Variants in FRMD4B observed in about 807,000 individuals in gnomAD.
FRMD4B encodes FERM domain-containing protein 4B.
In FRMD4B, 74 loss-of-function variants were observed where a neutral mutation model predicts 141.5. The observed-to-expected ratio is 0.52, with a 90% CI of 0.43 to 0.63. FRMD4B has a LOEUF of 0.63. FRMD4B is among the 30% of genes least tolerant of loss of function. FRMD4B has a pLI of 0.00. For missense variants in FRMD4B, 1,366 were observed against 1,253.4 expected, an observed-to-expected ratio of 1.09 and a Z score of -1.36; for synonymous variants, 506 against 467.9, an observed-to-expected ratio of 1.08 and a Z score of -1.05.
Position 69,181,142 on chromosome 3 carries a change from A to G in FRMD4B, c.2608T>C (p.Tyr870His). The G allele has an allele frequency of 1.9e-6, 3 of 1,613,922 alleles. No homozygotes were observed. The highest frequency in any genetic ancestry group is 2.5e-6 in the Non-Finnish European group (3 of 1,179,868). The change falls in exon 21 of 23, where the codon TAT becomes CAT. Residue 870 changes from tyrosine (Y) to histidine (H), a missense_variant. Physicochemically the swap from Tyr to His is moderately conservative, Grantham distance 83. Transcript: ENST00000398540. ...DEVDRVPHNP[Y>H]ATLRLPRKAA... Reference sequence around the variant, plus strand: ...TTCCTTGGCAGCCGGAGAGTTGCATATGGGTTATGGGGTACCCGGTCGACC... The same window carrying G: ...TTCCTTGGCAGCCGGAGAGTTGCATGTGGGTTATGGGGTACCCGGTCGACC...
rs375411186 is a variant in FRMD4B, at chr3:69,457,700, GCA to G, written c.-128-24941_-128-24940del. Among the ~76,000 whole-genome samples the G allele has an allele frequency of 4.4e-3, 676 of 152,286 alleles. 7 individuals carry two copies. The highest frequency in any genetic ancestry group is 0.015 in the African/African-American group (626 of 41,556). On this transcript the variant is annotated intron_variant, in intron 1 of 5. Coordinates refer to the FRMD4B transcript ENST00000459638. ...TAAAGTCCACTGAATTGTTTCTGAA[GCA>G]CAGTTTACCGTTCTATCTAGATTAG...
chr3:69,522,442 C>G (rs542066291), intron 1 of FRMD4B, among the ~76,000 whole-genome samples: 1 of 152,246 alleles, frequency 6.6e-6, no homozygotes. Context: ...TTTAACACTT[C>G]TATCCACATC....
At chr3:69,256,030 G>C (rs1487102465) in intron 5 of FRMD4B, among the ~76,000 whole-genome samples, 1 of 151,848 alleles carries the variant, frequency 6.6e-6, no homozygotes, top group Non-Finnish European at 1.5e-5. Context: ...CAAGGAGTCC[G>C]AGGCTGCTGT....
At chr3:69,492,031 T>C (rs1228758254) in intron 1 of FRMD4B, among the ~76,000 whole-genome samples, 1 of 152,192 alleles carries the variant, frequency 6.6e-6, no homozygotes. Context: ...GCAAGTTTAG[T>C]ATCAGCTTAT....
In FRMD4B at chr3:69,307,624, C is replaced by A. The variant is rs59172449; in HGVS notation, c.323+3639G>T. On this transcript the variant is annotated intron_variant, in intron 3 of 22. Coordinates refer to ENST00000398540, the MANE Select transcript of FRMD4B (RefSeq NM_015123.3). Reference sequence around the variant, plus strand: ...AAAGTGTTGAGATTACAGGCGTGAGCCACCACACCCGGCCTACTATTTCTT... The same window carrying A: ...AAAGTGTTGAGATTACAGGCGTGAGACACCACACCCGGCCTACTATTTCTT... Among the ~76,000 whole-genome samples the A allele has an allele frequency of 2.7e-3, 408 of 152,308 alleles. 2 individuals are homozygous for A. Among genetic ancestry groups the A allele is most frequent in the African/African-American group, 9.3e-3 (387 of 41,570 alleles).
intron 3 of FRMD4B, among the ~76,000 whole-genome samples, chr3:69,308,043 C>T (rs906212700): frequency 6.6e-6 from 1 of 152,190 alleles, no homozygotes; most frequent in Non-Finnish European, 1.5e-5. Context: ...TTAAAGTCTA[C>T]CTTACCTGCA....
At chr3:69,232,761 A>T (rs1383153932) in intron 7 of FRMD4B, among the ~76,000 whole-genome samples, 2 of 152,086 alleles carry the variant, frequency 1.3e-5, no homozygotes, top group African/African-American at 4.8e-5. Context: ...AAGGGAGTGC[A>T]GGCAGTTAGC....
At chr3:69,329,194 A>C (rs1702279729) in intron 1 of FRMD4B, among the ~76,000 whole-genome samples, 1 of 152,214 alleles carries the variant, frequency 6.6e-6, no homozygotes, top group Non-Finnish European at 1.5e-5. Context: ...TCAGGTTTAC[A>C]GAGAATTCTG....
intron 2 of FRMD4B, among the ~76,000 whole-genome samples, chr3:69,421,708 C>A (rs1489316706): frequency 6.6e-6 from 1 of 152,156 alleles, no homozygotes; most frequent in Non-Finnish European, 1.5e-5. Flanking sequence ...CAACAGCCAC[C>A]TTTCAACTGC....
At chr3:69,312,872 G>A (rs538199713) in intron 2 of FRMD4B, among the ~76,000 whole-genome samples, 15 of 139,212 alleles carry the variant, frequency 1.1e-4, no homozygotes, top group African/African-American at 4.2e-4. Context: ...CTGGGCAACA[G>A]AGCAAGACTC....
At chr3:69,290,290 G>A (rs900806367) in intron 4 of FRMD4B, among the ~76,000 whole-genome samples, 4 of 152,152 alleles carry the variant, frequency 2.6e-5, no homozygotes, top group African/African-American at 7.2e-5. Context: ...AGGGGCGGGT[G>A]AGGAGGGATT....
intron 1 of FRMD4B, among the ~76,000 whole-genome samples, chr3:69,339,608 T>G (rs1702668393): frequency 6.6e-6 from 1 of 151,356 alleles, no homozygotes; most frequent in South Asian, 2.1e-4. Context: ...AATAAATGTA[T>G]CCCAGAACTT....
chr3:69,506,174 CTTAATGTTA>C (rs1197529647), intron 1 of FRMD4B, among the ~76,000 whole-genome samples: 1 of 152,158 alleles, frequency 6.6e-6, no homozygotes, highest in Non-Finnish European at 1.5e-5. Flanking sequence ...CCCCAAGGCC[CTTAATGTTA>C]TTATCCGTGG....
intron 1 of FRMD4B, among the ~76,000 whole-genome samples, chr3:69,369,396 G>C (rs1417468587): frequency 6.6e-6 from 1 of 152,078 alleles, no homozygotes. Context: ...AATTAAATTT[G>C]ATTTACTTAA....
intron 19 of FRMD4B, among the ~76,000 whole-genome samples, chr3:69,187,109 A>G (rs1490359363): frequency 1.3e-5 from 2 of 152,170 alleles, no homozygotes; most frequent in African/African-American, 4.8e-5. Context: ...TTTAACGACA[A>G]TTTCCTTAGA....
chr3:69,506,323 A>G (rs1394846516), intron 1 of FRMD4B, among the ~76,000 whole-genome samples: 1 of 152,058 alleles, frequency 6.6e-6, no homozygotes, highest in Non-Finnish European at 1.5e-5. Context: ...GGCATTTTAC[A>G]CAGGATATCC....
At chr3:69,494,908 G>A (rs185407283) in intron 1 of FRMD4B, among the ~76,000 whole-genome samples, 2,198 of 149,686 alleles carry the variant, frequency 0.015, 34 homozygotes, top group Non-Finnish European at 0.017. Flanking sequence ...AGAAAGGAAA[G>A]GAAAGGAAAG....
intron 11 of FRMD4B, among the ~76,000 whole-genome samples, chr3:69,204,902 G>T (rs6785253): frequency 0.087 from 13,257 of 152,104 alleles, 586 homozygotes; most frequent in Middle Eastern, 0.11. Context: ...GCTCAGAGAG[G>T]TTAAAGTAAA....
chr3:69,380,036 G>A (rs747625376), intron 1 of FRMD4B, among the ~76,000 whole-genome samples: 17 of 152,374 alleles, frequency 1.1e-4, no homozygotes, highest in Non-Finnish European at 2.4e-4. Context: ...ATAGGGAATT[G>A]TCCTTTGGAG....
Sources: allele counts gnomAD v4.1 joint callset (sites outside exome capture counted in the v4.1 genomes callset), GRCh38; gene constraint gnomAD v4.1.1; transcripts MANE v1.5; gene names NCBI Gene and HGNC (gene_info 2026-07-23, HGNC 2026-07-21).